The following PPP2R5C variants were observed in gnomAD, a reference collection of about 807,000 sequenced individuals.
PPP2R5C encodes the protein protein phosphatase 2 regulatory subunit B'gamma.
A neutral mutation model predicts 68.9 loss-of-function variants in PPP2R5C; 7 were observed. The observed-to-expected ratio is 0.10, with a 90% CI of 0.06 to 0.19. The LOEUF is 0.19. PPP2R5C is among the 10% of genes least tolerant of loss of function. The pLI, the probability that PPP2R5C is intolerant of heterozygous loss-of-function variation, is 1.00. For missense variants in PPP2R5C, 348 were observed against 641.3 expected, an observed-to-expected ratio of 0.54 and a Z score of 4.94; for synonymous variants, 210 against 222.2, an observed-to-expected ratio of 0.95 and a Z score of 0.49.
At chr14:101,894,161 T>A (rs2140979276) in intron 7 of PPP2R5C, among the ~76,000 whole-genome samples, 1 of 152,390 alleles carries the variant, frequency 6.6e-6, no homozygotes, top group East Asian at 1.9e-4. Flanking sequence ...GTTCAGAGAT[T>A]TAAGATGGAA....
At chr14:101,872,022 T>C (rs1175125649) in intron 2 of PPP2R5C, among the ~76,000 whole-genome samples, 2 of 152,038 alleles carry the variant, frequency 1.3e-5, no homozygotes, top group African/African-American at 4.8e-5. Context: ...AGTTTTCGGG[T>C]ATTAAAAATC....
chr14:101,906,477 C>T lies in PPP2R5C; in HGVS notation c.1099C>T (p.Leu367=). The change falls in exon 10 of 14, where the codon CTG becomes TTG. Residue 367 remains leucine (L), a synonymous_variant. Transcript: ENST00000334743. The surrounding 1 kb of genome is among the most constrained non-coding windows in gnomAD (Gnocchi z 4.0). ...AATCAGTGACAACGCAGCGAAGATT[C>T]TGCCCATCATGTTTCCTTCCTTGTA... 6.8e-6 allele frequency: 11 copies of T among 1,613,754 alleles called. No homozygotes were observed. The highest frequency in any genetic ancestry group is 9.3e-6 in the Non-Finnish European group (11 of 1,179,890).
chr14:101,911,560 G>T (rs370517581), intron 11 of PPP2R5C, among the ~76,000 whole-genome samples: 1 of 152,082 alleles, frequency 6.6e-6, no homozygotes, highest in Non-Finnish European at 1.5e-5. Flanking sequence ...GGACCTTAAA[G>T]GTTGTGTAGT....
At chr14:101,775,844 C>T (rs1018721734) in intron 2 of PPP2R5C, among the ~76,000 whole-genome samples, 9 of 152,146 alleles carry the variant, frequency 5.9e-5, no homozygotes, top group African/African-American at 2.2e-4. Context: ...CCACCACCTC[C>T]TTCCCCCAGC....
intron 2 of PPP2R5C, among the ~76,000 whole-genome samples, chr14:101,775,530 G>T (rs149878655): frequency 9.3e-4 from 142 of 152,328 alleles, no homozygotes; most frequent in Non-Finnish European, 1.6e-3. Flanking sequence ...GTCTCTGTTA[G>T]AAACTAATGG....
In PPP2R5C at chr14:101,854,873, T is replaced by C. The variant is rs9972090; in HGVS notation, c.95-1813T>C. 5.2e-3 allele frequency among the ~76,000 whole-genome samples: 786 copies of C among 152,314 alleles called. 12 individuals carry two copies. Among genetic ancestry groups the C allele is most frequent in the African/African-American group, 0.018 (745 of 41,578 alleles). On this transcript the variant is annotated intron_variant, in intron 1 of 13. Coordinates refer to ENST00000334743, the Ensembl canonical transcript of PPP2R5C. ...TTAACAGAAATAACACATTTTTAAA[T>C]GATCTAGCCACGTTGGCCAGGCGCA... is the stretch of plus-strand genomic sequence containing the variant.
At chr14:101,902,212 A>C (rs2045727131) in intron 9 of PPP2R5C, among the ~76,000 whole-genome samples, 2 of 152,174 alleles carry the variant, frequency 1.3e-5, no homozygotes, top group South Asian at 4.1e-4. Context: ...CAATATTGAT[A>C]GACAACGGGT....
At chr14:101,855,388 G>A (rs2042360412) in intron 1 of PPP2R5C, among the ~76,000 whole-genome samples, 1 of 152,162 alleles carries the variant, frequency 6.6e-6, no homozygotes, top group Non-Finnish European at 1.5e-5. Context: ...GAGTATTTTA[G>A]TAGCCTTTTC....
intron 13 of PPP2R5C, among the ~76,000 whole-genome samples, chr14:101,919,969 C>CCAAAA (rs775818748): frequency 3.4e-4 from 18 of 52,876 alleles, no homozygotes; most frequent in East Asian, 1.2e-3. Flanking sequence ...AACTCCGTCT[C>CCAAAA]AAAAAAAAAA....
At chr14:101,889,288 A>G (rs531025846) in intron 5 of PPP2R5C, among the ~76,000 whole-genome samples, 1 of 152,300 alleles carries the variant, frequency 6.6e-6, no homozygotes, top group South Asian at 2.1e-4. Flanking sequence ...AGACCCTCTC[A>G]CTGCATGCAG....
upstream of PPP2R5C, among the ~76,000 whole-genome samples, chr14:101,805,183 G>A (rs574813549): frequency 1.1e-4 from 17 of 151,924 alleles, no homozygotes; most frequent in South Asian, 1.5e-3. Flanking sequence ...AGCCTGCCTC[G>A]GCCTCCTGAG....
chr14:101,776,793 A>G (rs578016996), intron 2 of PPP2R5C, among the ~76,000 whole-genome samples: 1 of 152,046 alleles, frequency 6.6e-6, no homozygotes, highest in Admixed American at 6.5e-5. Context: ...GAATCATGCA[A>G]TATTTGTCCT....
rs1369531708 is a variant in PPP2R5C at position 101,802,974 on chromosome 14, AGG to A, written c.259+16792_259+16793del. Among the ~76,000 whole-genome samples the A allele has an allele frequency of 2.8e-3, 425 of 149,156 alleles. 1 individual carries two copies. The highest frequency in any genetic ancestry group is 8.9e-3 in the African/African-American group (365 of 40,834). On this transcript the variant is annotated intron_variant, in intron 3 of 14. Coordinates refer to the PPP2R5C transcript ENST00000328724. ...TTTAAAAAAAAAAAAAAAAAAAAAA[AGG>A]AGCAAAGGCAGGCAGATCACTTGAG...
At chr14:101,829,095 G>T (rs755404595) in intron 1 of PPP2R5C, among the ~76,000 whole-genome samples, 1 of 152,108 alleles carries the variant, frequency 6.6e-6, no homozygotes, top group Non-Finnish European at 1.5e-5. Context: ...TTTTATTGCT[G>T]AGTCTGGTTG....
chr14:101,824,999 G>A (rs1566874973), intron 1 of PPP2R5C: 1 of 152,338 alleles, frequency 6.6e-6, no homozygotes, highest in African/African-American at 2.4e-5. Flanking sequence ...GGTGTAAGTA[G>A]CATCCCTTTA....
chr14:101,856,661 A>G (rs1305766643), intron 1 of PPP2R5C, 25 bp from the exon 4 acceptor site: 1 of 1,598,598 alleles, frequency 6.3e-7, no homozygotes, highest in Non-Finnish European at 8.6e-7. Context: ...TTTGTGATCA[A>G]TATACTTTGC....
At chr14:101,919,601 T>G (rs60184724) in intron 13 of PPP2R5C, among the ~76,000 whole-genome samples, 4 of 152,032 alleles carry the variant, frequency 2.6e-5, no homozygotes. Flanking sequence ...CGGTGTCTCT[T>G]CTGTGAGGGA....
At chr14:101,812,868 G>A (rs913546489) in intron 1 of PPP2R5C, among the ~76,000 whole-genome samples, 6 of 152,210 alleles carry the variant, frequency 3.9e-5, no homozygotes, top group Admixed American at 1.3e-4. Context: ...TGTCACGATC[G>A]CTTTGACCAT....
At chr14:101,824,212 T>A (rs1323319394) in intron 1 of PPP2R5C, 1 of 1,199,092 alleles carries the variant, frequency 8.3e-7, no homozygotes, top group African/African-American at 1.6e-5. Context: ...TAATGAGTAA[T>A]TCTTAGGATT....
Sources: gnomAD v4.1 joint callset for allele counts (sites outside exome capture counted in the v4.1 genomes callset) on GRCh38, gnomAD v4.1.1 for gene constraint, Gnocchi (gnomAD v3.1) non-coding constraint, MANE v1.5 for transcripts, NCBI Gene and HGNC (gene_info 2026-07-23, HGNC 2026-07-21) for gene names.